Variants in INPP4A observed in about 807,000 individuals in gnomAD.
The protein encoded by INPP4A is inositol polyphosphate-4-phosphatase type I A, also known as inositol polyphosphate-4-phosphatase, type I, 107kD.
INPP4A carries 33 observed loss-of-function variants against 119.8 expected under a neutral mutation model. That is an observed-to-expected ratio of 0.28 (90% CI 0.21 to 0.37). The LOEUF (loss-of-function observed/expected upper bound fraction) is 0.37, where lower values mean the gene tolerates loss of function less well. INPP4A is among the 10% of genes least tolerant of loss of function. The probability of loss-of-function intolerance (pLI) is 1.00; values close to 1 mark genes in which losing one functional copy is unlikely to be tolerated. For synonymous variants in INPP4A, 496 were observed against 500.7 expected (o/e 0.99, Z 0.12); for missense variants, 956 against 1,289.9 (o/e 0.74, Z 3.97).
At chr2:98,479,714 G>A (rs537858515) in intron 1 of INPP4A, among the ~76,000 whole-genome samples, 22 of 152,280 alleles carry the variant, frequency 1.4e-4, no homozygotes, top group Admixed American at 2.0e-4. Context: ...AATGGAATTC[G>A]GGGTACACAG....
chr2:98,504,960 C>G (rs1380963824), intron 1 of INPP4A, among the ~76,000 whole-genome samples: 1 of 152,216 alleles, frequency 6.6e-6, no homozygotes, highest in Admixed American at 6.5e-5. Context: ...TTTGGCTGGC[C>G]TTGACATTCT....
chr2:98,489,412 G>A (rs1048769221), intron 1 of INPP4A, among the ~76,000 whole-genome samples: 1 of 152,168 alleles, frequency 6.6e-6, no homozygotes, highest in African/African-American at 2.4e-5. Flanking sequence ...GGAGGGATAT[G>A]CCAACACCCA....
chr2:98,545,826 C>T (rs1692377697), intron 11 of INPP4A, 143 bp from the exon 12 acceptor site: 3 of 588,602 alleles, frequency 5.1e-6, no homozygotes, highest in Non-Finnish European at 8.8e-6. Context: ...GAAATGTGCT[C>T]ATGGCAACTC....
At chr2:98,583,125 A>T (rs1211030283) in intron 24 of INPP4A, among the ~76,000 whole-genome samples, 1 of 152,244 alleles carries the variant, frequency 6.6e-6, no homozygotes, top group Non-Finnish European at 1.5e-5. Flanking sequence ...ACTCTTCACT[A>T]TGTAAGGATC....
chr2:98,491,978 C>T (rs1304025018), intron 1 of INPP4A, among the ~76,000 whole-genome samples: 1 of 152,084 alleles, frequency 6.6e-6, no homozygotes, highest in East Asian at 1.9e-4. Context: ...CAGCCTCTGC[C>T]CCCTGGGCTC....
intron 22 of INPP4A, among the ~76,000 whole-genome samples, chr2:98,571,602 A>G (rs538436980): frequency 6.6e-6 from 1 of 152,190 alleles, no homozygotes; most frequent in African/African-American, 2.4e-5. Context: ...GCAGGCAGGA[A>G]CTAGTCGACT....
At chr2:98,458,416 CT>C (rs1343713727) in intron 1 of INPP4A, among the ~76,000 whole-genome samples, 1 of 152,174 alleles carries the variant, frequency 6.6e-6, no homozygotes, top group Non-Finnish European at 1.5e-5. Context: ...TAGGCAGCAA[CT>C]GAACACAACA....
intron 17 of INPP4A, among the ~76,000 whole-genome samples, chr2:98,560,206 T>A (rs1695216528): frequency 6.6e-6 from 1 of 152,330 alleles, no homozygotes; most frequent in East Asian, 1.9e-4. Context: ...GTCCCCCAAA[T>A]AATATGATTT....
Position 98,575,470 on chromosome 2 carries a change from T to C in INPP4A, c.2632-1519T>C, listed in dbSNP as rs534879276. Among the ~76,000 whole-genome samples, 8 of 152,380 alleles carry C rather than the reference T, an allele frequency of 5.3e-5. No homozygotes were observed. In the South Asian group the frequency reaches 1.7e-3, roughly 32 times the overall value. The stretch of plus-strand genomic sequence containing the variant: ...ACTCTTGCTTTGTCAGTTACAACTT[T>C]ACAAATTTGATTAATTTACTCTCCA... On this transcript the variant is annotated intron_variant, in intron 23 of 24. Transcript: ENST00000409851.
chr2:98,517,366 A>G lies in INPP4A; in HGVS notation c.-165-1598A>G, dbSNP rs149411317. The stretch of plus-strand genomic sequence containing the variant: ...AGCATAAGTGTGCGTTTCTGTTAGC[A>G]GCTCCCCCTCTGAGTTGTATGCCAG... On this transcript the variant is annotated intron_variant, in intron 1 of 24. Coordinates refer to ENST00000409851, the MANE Select transcript of INPP4A (RefSeq NM_001134225.2). Among the ~76,000 whole-genome samples the G allele has an allele frequency of 6.6e-3, 1,008 of 152,224 alleles. 15 individuals carry two copies. Among genetic ancestry groups the G allele is most frequent in the African/African-American group, 0.023 (943 of 41,516 alleles).
At chr2:98,562,122 G>A (rs557180951) in intron 17 of INPP4A, among the ~76,000 whole-genome samples, 3 of 152,276 alleles carry the variant, frequency 2.0e-5, no homozygotes, top group South Asian at 2.1e-4. Context: ...AGTGTCCTTC[G>A]TCACCATGAT....
At chr2:98,468,613 A>G (rs1304651374) in intron 1 of INPP4A, among the ~76,000 whole-genome samples, 1 of 152,134 alleles carries the variant, frequency 6.6e-6, no homozygotes, top group Non-Finnish European at 1.5e-5. Context: ...CCAAACCAAA[A>G]TAAATGCTGT....
At position 98,532,785 on chromosome 2, in the gene INPP4A, C is replaced by T. The variant is rs907058662; in HGVS notation, c.152-592C>T. Among the ~76,000 whole-genome samples, 4 of 152,106 alleles carry T rather than the reference C, an allele frequency of 2.6e-5. No homozygotes were observed. The East Asian group carries it at 7.7e-4, about 29-fold the overall frequency. ...CTAGGCAATAGGAATTTTTCAGCTC[C>T]ATTATAATCTGTGAGACCATTGTCA... On this transcript the variant is annotated intron_variant, in intron 4 of 24. Transcript: ENST00000409851.
chr2:98,529,020 T>A (rs4596026), intron 4 of INPP4A, among the ~76,000 whole-genome samples: 46,645 of 149,378 alleles, frequency 0.31, 7,600 homozygotes, highest in African/African-American at 0.41. Flanking sequence ...CGGAGCTTGC[T>A]GTGAGCCGAG....
At chr2:98,446,870 TTAAG>T (rs1391169558) in intron 1 of INPP4A, among the ~76,000 whole-genome samples, 1 of 152,048 alleles carries the variant, frequency 6.6e-6, no homozygotes, top group Non-Finnish European at 1.5e-5. Context: ...AAAAATCACT[TTAAG>T]GAAGGATGAA....
At chr2:98,445,554 A>G (rs1276462698) in intron 1 of INPP4A, among the ~76,000 whole-genome samples, 1 of 152,228 alleles carries the variant, frequency 6.6e-6, no homozygotes, top group Non-Finnish European at 1.5e-5. Context: ...CATTTCTAGC[A>G]TCTTTGCTTT....
intron 4 of INPP4A, among the ~76,000 whole-genome samples, chr2:98,531,798 A>G (rs1425845840): frequency 6.6e-6 from 1 of 152,246 alleles, no homozygotes; most frequent in Non-Finnish European, 1.5e-5. Flanking sequence ...TCAGCACCAC[A>G]CTTACAGTAT....
At chr2:98,539,425 G>A in intron 9 of INPP4A, 103 bp from the exon 10 acceptor site, 4 of 1,252,074 alleles carry the variant, frequency 3.2e-6, no homozygotes, top group Admixed American at 4.4e-5. Context: ...ACAGTGAGAG[G>A]ACTTGAGGTG....
intron 1 of INPP4A, among the ~76,000 whole-genome samples, chr2:98,485,408 G>T (rs953737105): frequency 1.1e-4 from 16 of 152,136 alleles, no homozygotes; most frequent in Non-Finnish European, 5.9e-5. Flanking sequence ...AGGTATCTGT[G>T]GGGGGTGGGG....
Sources: allele counts gnomAD v4.1 joint callset (sites outside exome capture counted in the v4.1 genomes callset), GRCh38; gene constraint gnomAD v4.1.1; transcripts MANE v1.5; gene names NCBI Gene and HGNC (gene_info 2026-07-23, HGNC 2026-07-21).